MARCHF1: variants seen among roughly 807,000 people sequenced by gnomAD.
The protein encoded by MARCHF1 is membrane associated ring-CH-type finger 1.
In MARCHF1, 40 loss-of-function variants were observed where a neutral mutation model predicts 54.2. That is an observed-to-expected ratio of 0.74 (90% CI 0.57 to 0.96). The LOEUF is 0.96. MARCHF1 is among the 40% of genes least tolerant of loss of function. MARCHF1 has a pLI of 0.00. For missense variants in MARCHF1, 586 were observed against 656.5 expected (o/e 0.89, Z 1.17); for synonymous variants, 236 against 236.3 (o/e 1.00, Z 0.01).
intron 5 of MARCHF1, among the ~76,000 whole-genome samples, chr4:163,665,996 T>C (rs1291467730): frequency 6.6e-6 from 1 of 152,112 alleles, no homozygotes; most frequent in Non-Finnish European, 1.5e-5. Flanking sequence ...TCATGCCACA[T>C]GCAGACGTGC....
intron 1 of MARCHF1, among the ~76,000 whole-genome samples, chr4:164,291,727 GT>G (rs1242454167): frequency 6.6e-6 from 1 of 152,018 alleles, no homozygotes; most frequent in Non-Finnish European, 1.5e-5. Flanking sequence ...TTGTAACACA[GT>G]AGTAGGAATT....
intron 1 of MARCHF1, among the ~76,000 whole-genome samples, chr4:164,222,856 C>A (rs1005642684): frequency 3.3e-5 from 5 of 151,936 alleles, no homozygotes; most frequent in African/African-American, 1.2e-4. Context: ...TTAGTCTGTT[C>A]TCACTCTGCT....
At chr4:164,049,213 G>C (rs1035402028) in intron 2 of MARCHF1, among the ~76,000 whole-genome samples, 2 of 152,182 alleles carry the variant, frequency 1.3e-5, no homozygotes, top group Non-Finnish European at 2.9e-5. Context: ...GCAGGTGAGA[G>C]AGAGACAGCA....
chr4:164,125,300 C>T (rs2110792227), intron 1 of MARCHF1, among the ~76,000 whole-genome samples: 1 of 152,122 alleles, frequency 6.6e-6, no homozygotes, highest in South Asian at 2.1e-4. Context: ...TTAATAAAAA[C>T]ATTATGAATA....
intron 1 of MARCHF1, among the ~76,000 whole-genome samples, chr4:164,214,857 T>C (rs963064058): frequency 1.3e-5 from 2 of 152,168 alleles, no homozygotes; most frequent in African/African-American, 4.8e-5. Context: ...ACACTTGAAA[T>C]TGAAACGGGA....
chr4:163,709,761 T>C (rs1318197102), intron 4 of MARCHF1, among the ~76,000 whole-genome samples: 1 of 152,202 alleles, frequency 6.6e-6, no homozygotes, highest in Non-Finnish European at 1.5e-5. Flanking sequence ...AACCATGTGA[T>C]GGTAAGAAAA....
At chr4:164,203,481 TC>T (rs985462847) in intron 1 of MARCHF1, among the ~76,000 whole-genome samples, 3 of 152,152 alleles carry the variant, frequency 2.0e-5, no homozygotes, top group Non-Finnish European at 2.9e-5. Flanking sequence ...TCCTTCTTAC[TC>T]CATGGAAGAT....
intron 1 of MARCHF1, among the ~76,000 whole-genome samples, chr4:164,199,679 C>CAGAGAGAGAG (rs1332146468): frequency 1.9e-4 from 10 of 51,980 alleles, no homozygotes; most frequent in African/African-American, 1.1e-3. Context: ...CACACACACA[C>CAGAGAGAGAG]ACAGAGAGAG....
chr4:163,866,446 T>A (rs2111204028), intron 3 of MARCHF1, among the ~76,000 whole-genome samples: 1 of 88,452 alleles, frequency 1.1e-5, no homozygotes, highest in East Asian at 4.6e-4. Flanking sequence ...GAATTACGTG[T>A]TCTGATTATA....
intron 3 of MARCHF1, among the ~76,000 whole-genome samples, chr4:163,869,802 A>G (rs1750131831): frequency 6.6e-6 from 1 of 152,154 alleles, no homozygotes; most frequent in African/African-American, 2.4e-5. Context: ...TGAAATTTAT[A>G]TAATAGTTTG....
intron 4 of MARCHF1, among the ~76,000 whole-genome samples, chr4:163,743,609 TGCTCTGTCGCCCAG>T (rs1202048519): frequency 4.7e-5 from 7 of 148,272 alleles, no homozygotes; most frequent in African/African-American, 1.8e-4. Flanking sequence ...GACAGAGTCT[TGCTCTGTCGCCCAG>T]GCTGGAGGGC....
At chr4:164,081,204 T>C (rs1264627017) in intron 2 of MARCHF1, among the ~76,000 whole-genome samples, 12 of 8,536 alleles carry the variant, frequency 1.4e-3, no homozygotes, top group African/African-American at 2.2e-3. Flanking sequence ...CCAGACGCTG[T>C]CTCAAAAAAA....
intron 5 of MARCHF1, among the ~76,000 whole-genome samples, chr4:163,698,340 T>TA (rs1744698179): frequency 6.6e-6 from 1 of 152,198 alleles, no homozygotes; most frequent in Non-Finnish European, 1.5e-5. Flanking sequence ...AGTCAATGAA[T>TA]AGTTTTCCAC....
At chr4:163,907,786 G>A (rs1216083608) in intron 3 of MARCHF1, among the ~76,000 whole-genome samples, 4 of 152,082 alleles carry the variant, frequency 2.6e-5, no homozygotes, top group Admixed American at 6.6e-5. Flanking sequence ...TACTAAGAAA[G>A]CCTGATTCCT....
chr4:163,524,803 C>A lies in MARCHF1; in HGVS notation c.*3945G>T, dbSNP rs1186784608. ...TTAATTTGCTTTAGTACACATGATT[C>A]ACAAAACAGTAAATTGTTAATGCAA... On this transcript the variant is annotated 3_prime_UTR_variant, in exon 10 of 10. Transcript: ENST00000514618. 6.6e-6 allele frequency: 1 copy of A among 152,116 alleles called. No homozygotes were observed. Among genetic ancestry groups the A allele is most frequent in the Non-Finnish European group, 1.5e-5 (1 of 68,004 alleles). The allele number at this position is 152,116 out of a possible 1,614,324, so 9.4% of individuals were successfully genotyped here.
chr4:164,088,309 G>C (rs1024670547), intron 2 of MARCHF1, among the ~76,000 whole-genome samples: 2 of 152,186 alleles, frequency 1.3e-5, no homozygotes, highest in African/African-American at 4.8e-5. Flanking sequence ...TAATTCTACA[G>C]TTAGGTTGAG....
At chr4:164,361,983 G>T (rs952156115) in intron 1 of MARCHF1, among the ~76,000 whole-genome samples, 5 of 151,950 alleles carry the variant, frequency 3.3e-5, no homozygotes, top group African/African-American at 4.8e-5. Flanking sequence ...TGCATTTGGG[G>T]ATACACTTAA....
chr4:163,764,378 T>C (rs1746917080), intron 4 of MARCHF1, among the ~76,000 whole-genome samples: 1 of 152,106 alleles, frequency 6.6e-6, no homozygotes, highest in Admixed American at 6.6e-5. Context: ...TGAAGTATTT[T>C]CAGTGGCTAA....
chr4:163,803,189 T>C (rs1453541469), intron 4 of MARCHF1, among the ~76,000 whole-genome samples: 1 of 152,202 alleles, frequency 6.6e-6, no homozygotes, highest in African/African-American at 2.4e-5. Flanking sequence ...AATTGTTTTT[T>C]TGAGATAGAG....
Sources: allele counts gnomAD v4.1 joint callset (sites outside exome capture counted in the v4.1 genomes callset), GRCh38; gene constraint gnomAD v4.1.1; transcripts MANE v1.5; gene names NCBI Gene and HGNC (gene_info 2026-07-23, HGNC 2026-07-21).